The following MAP2K1 variants were observed in gnomAD, a reference collection of about 807,000 sequenced individuals.
MAP2K1 encodes dual specificity mitogen-activated protein kinase kinase 1.
Under a neutral mutation model 46.3 loss-of-function variants are expected in MAP2K1, and 16 were observed. The ratio of observed to expected loss-of-function variants is 0.35; its 90% CI spans 0.23 to 0.52. The LOEUF (loss-of-function observed/expected upper bound fraction) is 0.52, where lower values mean the gene tolerates loss of function less well. Ranked by LOEUF, MAP2K1 falls within the 20% of genes least tolerant of loss-of-function variation. The pLI is 0.94. For synonymous variants in MAP2K1, 183 were observed against 185.6 expected (o/e 0.99, Z 0.11); for missense variants, 263 against 497.1 (o/e 0.53, Z 4.48).
intron 1 of MAP2K1, among the ~76,000 whole-genome samples, chr15:66,422,902 G>A (rs1225098669): frequency 1.3e-5 from 2 of 151,780 alleles, no homozygotes; most frequent in Non-Finnish European, 2.9e-5. Flanking sequence ...TGGATGCTCT[G>A]TTCTGATTTC....
intron 3 of MAP2K1, among the ~76,000 whole-genome samples, chr15:66,442,851 C>A (rs1178980753): frequency 6.6e-6 from 1 of 152,040 alleles, no homozygotes; most frequent in East Asian, 1.9e-4. Context: ...TCTTTGAGTT[C>A]GATTAATTTG....
intron 1 of MAP2K1, among the ~76,000 whole-genome samples, chr15:66,413,808 A>G (rs911683202): frequency 6.6e-6 from 1 of 152,124 alleles, no homozygotes; most frequent in Non-Finnish European, 1.5e-5. Flanking sequence ...TGAGTGACTA[A>G]CGCTGTCTTG....
At chr15:66,425,533 C>T (rs1316330708) in intron 1 of MAP2K1, among the ~76,000 whole-genome samples, 2 of 152,144 alleles carry the variant, frequency 1.3e-5, no homozygotes, top group African/African-American at 4.8e-5. Context: ...ACTTCTAGGG[C>T]CAGTGACATA....
At chr15:66,481,973 G>C in intron 6 of MAP2K1, 94 bp downstream of exon 6, 1 of 1,471,054 alleles carries the variant, frequency 6.8e-7, no homozygotes, top group East Asian at 2.5e-5. Flanking sequence ...GTCTTGTGCT[G>C]GGTAGGGGAC....
intron 1 of MAP2K1, among the ~76,000 whole-genome samples, chr15:66,396,529 C>T (rs887133017): frequency 3.9e-5 from 6 of 152,096 alleles, no homozygotes; most frequent in African/African-American, 1.4e-4. Flanking sequence ...CTCAGCCCCA[C>T]AAGGTGCTGG....
chr15:66,423,515 C>G (rs1286009046), intron 1 of MAP2K1, among the ~76,000 whole-genome samples: 1 of 151,112 alleles, frequency 6.6e-6, no homozygotes, highest in Non-Finnish European at 1.5e-5. Context: ...TCTTGGTTCA[C>G]TGCAACCTCC....
chr15:66,418,345 T>C (rs78593478), intron 1 of MAP2K1, among the ~76,000 whole-genome samples: 2,142 of 152,326 alleles, frequency 0.014, 29 homozygotes, highest in South Asian at 0.047. Flanking sequence ...TTGGGTCACA[T>C]TGGATCCTGT....
intron 1 of MAP2K1, among the ~76,000 whole-genome samples, chr15:66,424,791 CTTTTTT>C (rs58738231): frequency 2.4e-5 from 2 of 82,120 alleles, no homozygotes; most frequent in South Asian, 1.0e-3. Flanking sequence ...CAATCTCAAT[CTTTTTT>C]TTTTTTTTTT....
intron 5 of MAP2K1, among the ~76,000 whole-genome samples, chr15:66,469,952 A>G (rs1182080690): frequency 1.3e-5 from 2 of 151,178 alleles, no homozygotes; most frequent in Non-Finnish European, 2.9e-5. Context: ...GGTGATAGCT[A>G]TTGCTCCTTC....
intron 1 of MAP2K1, among the ~76,000 whole-genome samples, chr15:66,417,285 G>A (rs1164647927): frequency 6.6e-6 from 1 of 152,140 alleles, no homozygotes; most frequent in African/African-American, 2.4e-5. Context: ...CATGTTGAAT[G>A]TTGACCAGGT....
At chr15:66,393,634 A>C (rs12914597) in intron 1 of MAP2K1, among the ~76,000 whole-genome samples, 4 of 152,156 alleles carry the variant, frequency 2.6e-5, no homozygotes, top group African/African-American at 7.2e-5. Context: ...ATTGTTTACA[A>C]AATCTTTACC....
chr15:66,429,469 C>A (rs2093468672), intron 1 of MAP2K1, among the ~76,000 whole-genome samples: 1 of 152,178 alleles, frequency 6.6e-6, no homozygotes, highest in Non-Finnish European at 1.5e-5. Flanking sequence ...CAAACCATAT[C>A]ATATAGTACA....
chr15:66,446,220 A>G (rs1891863626), intron 5 of MAP2K1, among the ~76,000 whole-genome samples: 1 of 151,940 alleles, frequency 6.6e-6, no homozygotes, highest in African/African-American at 2.4e-5. Context: ...CTCCGTCTCA[A>G]AACAAACAAA....
chr15:66,472,235 G>A (rs954660322), intron 5 of MAP2K1, among the ~76,000 whole-genome samples: 4 of 151,640 alleles, frequency 2.6e-5, no homozygotes, highest in South Asian at 4.2e-4. Flanking sequence ...AATCTGGGAG[G>A]CAGAGTTGTA....
At chr15:66,470,800 A>G (rs1304202568) in intron 5 of MAP2K1, among the ~76,000 whole-genome samples, 1 of 152,150 alleles carries the variant, frequency 6.6e-6, no homozygotes, top group East Asian at 1.9e-4. Flanking sequence ...TTAATTTAGA[A>G]GGTTTATTTT....
At chr15:66,442,043 G>C (rs1391536070) in intron 3 of MAP2K1, among the ~76,000 whole-genome samples, 3 of 152,174 alleles carry the variant, frequency 2.0e-5, no homozygotes, top group Non-Finnish European at 4.4e-5. Flanking sequence ...CCCCTGGTAT[G>C]TGAGCCCTGC....
At chr15:66,463,640 G>A (rs1421733205) in intron 5 of MAP2K1, among the ~76,000 whole-genome samples, 1 of 152,160 alleles carries the variant, frequency 6.6e-6, no homozygotes, top group South Asian at 2.1e-4. Context: ...CTGCCACTAC[G>A]CCCGGCTAAT....
At chr15:66,419,175 C>A (rs1595850614) in intron 1 of MAP2K1, among the ~76,000 whole-genome samples, 1 of 151,586 alleles carries the variant, frequency 6.6e-6, no homozygotes, top group African/African-American at 2.4e-5. Flanking sequence ...CCCCCTCTCC[C>A]TCCAAACTCC....
chr15:66,491,071 C>A lies in MAP2K1; in HGVS notation c.*456C>A, dbSNP rs181853123. 2.8e-6 allele frequency: 1 copy of A among 353,386 alleles called. No individual in the cohort carries two copies. Among genetic ancestry groups the A allele is most frequent in the Non-Finnish European group, 5.3e-6 (1 of 189,726 alleles). 21.9% of individuals were successfully genotyped at this position (353,386 alleles called of 1,614,324 possible). ...TCCTTCACAGGCAGTGCATGTGAAG[C>A]ATGCTTTGCTGCTATGAAAATGAGC... On this transcript the variant is annotated 3_prime_UTR_variant, in exon 11 of 11. Coordinates refer to ENST00000307102, the MANE Select transcript of MAP2K1 (RefSeq NM_002755.4).
Sources: gnomAD v4.1 joint callset for allele counts (sites outside exome capture counted in the v4.1 genomes callset) on GRCh38, gnomAD v4.1.1 for gene constraint, MANE v1.5 for transcripts, NCBI Gene and HGNC (gene_info 2026-07-23, HGNC 2026-07-21) for gene names.